RAVER2: variants seen among roughly 807,000 people sequenced by gnomAD.
RAVER2 encodes the protein ribonucleoprotein PTB-binding 2.
Under a neutral mutation model 78.1 loss-of-function variants are expected in RAVER2, and 46 were observed. The observed-to-expected ratio is 0.59, with a 90% CI of 0.46 to 0.75. The LOEUF (loss-of-function observed/expected upper bound fraction) is 0.75, where lower values mean the gene tolerates loss of function less well. Among genes scored for constraint, RAVER2 ranks in the 30% least tolerant of loss-of-function variants. RAVER2 has a pLI of 0.00. For synonymous variants in RAVER2, 311 were observed against 313.3 expected (o/e 0.99, Z 0.08); for missense variants, 793 against 837.5 (o/e 0.95, Z 0.66).
intron 9 of RAVER2, among the ~76,000 whole-genome samples, chr1:64,809,791 C>T (rs889078963): frequency 6.6e-6 from 1 of 152,074 alleles, no homozygotes; most frequent in Non-Finnish European, 1.5e-5. Flanking sequence ...AGGTAACCAC[C>T]GTTTCTACTT....
intron 1 of RAVER2, among the ~76,000 whole-genome samples, chr1:64,762,480 T>C (rs1293981154): frequency 6.6e-6 from 1 of 151,464 alleles, no homozygotes; most frequent in Non-Finnish European, 1.5e-5. Context: ...AAAAAAAAAC[T>C]TGGAAGACTT....
chr1:64,749,932 G>GT (rs2100799308), intron 1 of RAVER2, among the ~76,000 whole-genome samples: 1 of 151,916 alleles, frequency 6.6e-6, no homozygotes, highest in South Asian at 2.1e-4. Flanking sequence ...GTTCACTTAG[G>GT]TTTTTTTTCT....
exon 12 of RAVER2, chr1:64,832,259 T>C (rs1394324200): frequency 6.6e-6 from 1 of 152,658 alleles, no homozygotes; most frequent in Non-Finnish European, 1.5e-5. Flanking sequence ...TATAACCATT[T>C]TGAGCTAATA....
chr1:64,791,840 G>A (rs1242812327), intron 5 of RAVER2, among the ~76,000 whole-genome samples: 1 of 152,112 alleles, frequency 6.6e-6, no homozygotes, highest in Non-Finnish European at 1.5e-5. Flanking sequence ...AAGAAATACA[G>A]GATAAATGTA....
intron 3 of RAVER2, among the ~76,000 whole-genome samples, chr1:64,780,674 G>A (rs538862284): frequency 1.3e-5 from 2 of 152,214 alleles, no homozygotes; most frequent in Admixed American, 1.3e-4. Context: ...AGGTTTTAGT[G>A]TCTTATCTTG....
intron 2 of RAVER2, among the ~76,000 whole-genome samples, chr1:64,769,031 G>A (rs1320970845): frequency 6.6e-6 from 1 of 152,046 alleles, no homozygotes; most frequent in Non-Finnish European, 1.5e-5. Flanking sequence ...TTAGTGAATA[G>A]ACTGTATGAC....
intron 1 of RAVER2, among the ~76,000 whole-genome samples, chr1:64,748,282 A>C (rs1651597775): frequency 6.6e-6 from 1 of 152,182 alleles, no homozygotes; most frequent in Non-Finnish European, 1.5e-5. Context: ...TCACAGCCTC[A>C]GCTCTGGTTC....
At chr1:64,754,646 A>C (rs966537856) in intron 1 of RAVER2, among the ~76,000 whole-genome samples, 7 of 152,246 alleles carry the variant, frequency 4.6e-5, no homozygotes, top group Non-Finnish European at 1.0e-4. Context: ...AAGTGCTAAT[A>C]TTCATAAGCA....
intron 1 of RAVER2, among the ~76,000 whole-genome samples, chr1:64,747,573 G>A (rs373344023): frequency 2.0e-5 from 3 of 150,808 alleles, no homozygotes; most frequent in East Asian, 1.9e-4. Flanking sequence ...GTGCAGTGGC[G>A]CGACCTCAGC....
At chr1:64,807,984 G>T (rs1281452200) in intron 9 of RAVER2, among the ~76,000 whole-genome samples, 1 of 152,148 alleles carries the variant, frequency 6.6e-6, no homozygotes, top group Non-Finnish European at 1.5e-5. Context: ...TAAGTACATA[G>T]TAATGCTGTT....
chr1:64,747,342 C>T lies in RAVER2; in HGVS notation c.249+1921C>T, dbSNP rs190848997. Among the ~76,000 whole-genome samples, 377 of 151,986 alleles carry T rather than the reference C, an allele frequency of 2.5e-3. 3 individuals are homozygous for T. The highest frequency in any genetic ancestry group is 8.5e-3 in the African/African-American group (354 of 41,464). ...AGTTTCACTTTATTTTATTTTGTGT[C>T]TTTTTGCTAGTAAGGCCTACATAAA... On this transcript the variant is annotated intron_variant, in intron 1 of 11. Coordinates refer to ENST00000294428, the Ensembl canonical transcript of RAVER2.
intron 11 of RAVER2, among the ~76,000 whole-genome samples, chr1:64,826,726 A>G (rs895023041): frequency 2.6e-5 from 4 of 152,212 alleles, no homozygotes; most frequent in African/African-American, 9.6e-5. Context: ...TAAATAATGA[A>G]TGTAGAACAT....
intron 11 of RAVER2, among the ~76,000 whole-genome samples, chr1:64,817,339 G>T (rs1653779508): frequency 6.6e-6 from 1 of 152,174 alleles, no homozygotes; most frequent in South Asian, 2.1e-4. Context: ...TGTGAAGTTG[G>T]TGTGGCGATT....
chr1:64,755,028 G>T (rs1232884793), intron 1 of RAVER2, among the ~76,000 whole-genome samples: 1 of 152,152 alleles, frequency 6.6e-6, no homozygotes, highest in Non-Finnish European at 1.5e-5. Flanking sequence ...TGACATTTTA[G>T]GTTCTGTGCC....
intron 2 of RAVER2, among the ~76,000 whole-genome samples, chr1:64,772,539 A>C (rs1447689722): frequency 2.0e-5 from 3 of 152,148 alleles, no homozygotes; most frequent in Non-Finnish European, 4.4e-5. Flanking sequence ...TGATCTATGC[A>C]ATAATCCGAG....
At chr1:64,816,699 A>C (rs1023122593) in intron 11 of RAVER2, among the ~76,000 whole-genome samples, 2 of 152,222 alleles carry the variant, frequency 1.3e-5, no homozygotes, top group African/African-American at 4.8e-5. Context: ...CTGGCTAGCC[A>C]TATGTAGAAA....
chr1:64,772,036 A>G (rs1347954029), intron 2 of RAVER2, among the ~76,000 whole-genome samples: 2 of 152,142 alleles, frequency 1.3e-5, no homozygotes, highest in African/African-American at 2.4e-5. Context: ...AGACCATGCA[A>G]TGACTTTTAA....
chr1:64,800,950 C>G (rs1005386536), intron 5 of RAVER2, among the ~76,000 whole-genome samples: 1 of 151,882 alleles, frequency 6.6e-6, no homozygotes, highest in Non-Finnish European at 1.5e-5. Flanking sequence ...AATTTGGTTA[C>G]AATGAGGATT....
At chr1:64,788,865 A>G (rs541243238) in intron 4 of RAVER2, among the ~76,000 whole-genome samples, 9 of 151,402 alleles carry the variant, frequency 5.9e-5, no homozygotes, top group African/African-American at 2.2e-4. Flanking sequence ...TTTTATTTTT[A>G]TTTGAAGTTT....
Sources: gnomAD v4.1 joint callset for allele counts (sites outside exome capture counted in the v4.1 genomes callset) on GRCh38, gnomAD v4.1.1 for gene constraint, MANE v1.5 for transcripts, NCBI Gene and HGNC (gene_info 2026-07-23, HGNC 2026-07-21) for gene names.